The following CABLES1 variants were observed in gnomAD, a reference collection of about 807,000 sequenced individuals.
CABLES1 encodes CDK5 and ABL1 enzyme substrate 1.
A neutral mutation model predicts 57.8 loss-of-function variants in CABLES1; 36 were observed. That is an observed-to-expected ratio of 0.62 (90% CI 0.48 to 0.82). The LOEUF (loss-of-function observed/expected upper bound fraction) is 0.82, where lower values mean the gene tolerates loss of function less well. Among genes scored for constraint, CABLES1 ranks in the 40% least tolerant of loss-of-function variants. The pLI is 0.00. For missense variants in CABLES1, 767 were observed against 836.6 expected (o/e 0.92, Z 1.03); for synonymous variants, 374 against 363.0 (o/e 1.03, Z -0.35).
chr18:23,239,887 GCAGGTGGAT>G (rs1274829504), intron 7 of CABLES1, among the ~76,000 whole-genome samples: 1 of 152,200 alleles, frequency 6.6e-6, no homozygotes, highest in Non-Finnish European at 1.5e-5. Flanking sequence ...GGAGGCCAAG[GCAGGTGGAT>G]CACCTGAGGT....
chr18:23,141,587 G>A (rs1415110495), intron 1 of CABLES1, among the ~76,000 whole-genome samples: 1 of 152,226 alleles, frequency 6.6e-6, no homozygotes, highest in Non-Finnish European at 1.5e-5. Context: ...ATGGGTTTTG[G>A]AGGTCGGAGT....
chr18:23,188,284 C>G (rs2047217088), intron 1 of CABLES1, among the ~76,000 whole-genome samples: 3 of 152,186 alleles, frequency 2.0e-5, no homozygotes, highest in Non-Finnish European at 4.4e-5. Context: ...TCTACCCGGT[C>G]TATGAGAAAC....
At chr18:23,184,818 G>A (rs1472577663) in intron 1 of CABLES1, among the ~76,000 whole-genome samples, 2 of 152,222 alleles carry the variant, frequency 1.3e-5, no homozygotes, top group Non-Finnish European at 2.9e-5. Flanking sequence ...TCCAGTTACA[G>A]ATGACCAACT....
At chr18:23,240,760 G>T (rs1197609740) in intron 7 of CABLES1, among the ~76,000 whole-genome samples, 1 of 152,202 alleles carries the variant, frequency 6.6e-6, no homozygotes, top group South Asian at 2.1e-4. Flanking sequence ...CAGCAGAGGC[G>T]CCCACCTGAA....
At position 23,259,989 on chromosome 18, in the gene CABLES1, CG is replaced by C. The variant is rs1399508671; in HGVS notation, c.*2624del. The stretch of plus-strand genomic sequence containing the variant: ...CGGTTCTGCCTGATTCCTTTTCCCC[CG>C]GAGCCAGCCTAGGGGGCCCGGGACT... On this transcript the variant is annotated 3_prime_UTR_variant, in exon 10 of 10. Transcript: ENST00000256925. 7 of 150,144 alleles carry C rather than the reference CG, an allele frequency of 4.7e-5. No individual in the cohort carries two copies. The highest frequency in any genetic ancestry group is 1.3e-4 in the Admixed American group (2 of 14,976). 9.3% of individuals were successfully genotyped at this position (150,144 alleles called of 1,614,324 possible).
At chr18:23,222,748 G>A (rs1483900595) in intron 4 of CABLES1, among the ~76,000 whole-genome samples, 1 of 151,544 alleles carries the variant, frequency 6.6e-6, no homozygotes, top group Non-Finnish European at 1.5e-5. Context: ...ATAAAAGGAT[G>A]GAGTTGGATG....
intron 7 of CABLES1, among the ~76,000 whole-genome samples, chr18:23,250,909 C>G (rs1471690137): frequency 6.6e-6 from 1 of 152,230 alleles, no homozygotes; most frequent in African/African-American, 2.4e-5. Flanking sequence ...AGAGGACCAT[C>G]AAGATCACTT....
chr18:23,183,795 T>A (rs1193732949), intron 1 of CABLES1, among the ~76,000 whole-genome samples: 1 of 152,228 alleles, frequency 6.6e-6, no homozygotes, highest in Admixed American at 6.5e-5. Flanking sequence ...TTGTTAAGTC[T>A]ATAATGATAA....
chr18:23,151,401 T>C (rs2046929783), intron 1 of CABLES1, among the ~76,000 whole-genome samples: 1 of 152,194 alleles, frequency 6.6e-6, no homozygotes, highest in South Asian at 2.1e-4. Flanking sequence ...GGCAGCCTCT[T>C]GCCTTTAGGC....
intron 7 of CABLES1, 97 bp from the exon 8 acceptor site, chr18:23,252,863 A>G (rs1005719690): frequency 7.9e-6 from 6 of 758,776 alleles, no homozygotes; most frequent in Non-Finnish European, 1.4e-5. Context: ...CCCGTTGCTC[A>G]TGGCTTTGGG....
intron 1 of CABLES1, among the ~76,000 whole-genome samples, chr18:23,152,034 C>T (rs2046934445): frequency 1.3e-5 from 2 of 152,106 alleles, no homozygotes; most frequent in Non-Finnish European, 2.9e-5. Context: ...GGGTTTCAGG[C>T]CTATGGACTG....
chr18:23,188,121 T>G (rs1171541578), intron 1 of CABLES1, among the ~76,000 whole-genome samples: 1 of 152,214 alleles, frequency 6.6e-6, no homozygotes, highest in Non-Finnish European at 1.5e-5. Flanking sequence ...CCCTGCTCCC[T>G]GTACCTGATA....
Position 23,174,043 on chromosome 18 carries a change from T to C in CABLES1, c.846-14795T>C, listed in dbSNP as rs934375953. 2.0e-5 allele frequency among the ~76,000 whole-genome samples: 3 copies of C among 152,236 alleles called. No homozygotes were observed. In the South Asian group the frequency reaches 6.2e-4, roughly 31 times the overall value. On this transcript the variant is annotated intron_variant, in intron 1 of 9. Coordinates refer to ENST00000256925, the MANE Select transcript of CABLES1 (RefSeq NM_001100619.3). Reference sequence around the variant, plus strand: ...AGCTTGTGCAGTTGTCACCACTATCTAATTTTAGAACATTTTCCTCACCCT... The same window carrying C: ...AGCTTGTGCAGTTGTCACCACTATCCAATTTTAGAACATTTTCCTCACCCT...
At chr18:23,241,307 G>GA (rs1336178860) in intron 7 of CABLES1, among the ~76,000 whole-genome samples, 4 of 151,992 alleles carry the variant, frequency 2.6e-5, no homozygotes, top group African/African-American at 9.7e-5. Context: ...AAGGTGGGGG[G>GA]ATCACTTGAG....
At chr18:23,163,803 T>C (rs1178409154) in intron 1 of CABLES1, among the ~76,000 whole-genome samples, 2 of 152,184 alleles carry the variant, frequency 1.3e-5, no homozygotes, top group African/African-American at 2.4e-5. Flanking sequence ...GCTGGAACCT[T>C]CCTTCCCCGC....
Position 23,257,348 on chromosome 18 carries a change from G to GGCTGGTCCAGAGTTCCTAGC in CABLES1, c.1884_*1dup, listed in dbSNP as rs2048193771. 1.2e-6 allele frequency: 2 copies of GGCTGGTCCAGAGTTCCTAGC among 1,610,100 alleles called. No homozygotes were observed. The highest frequency in any genetic ancestry group is 2.7e-5 in the African/African-American group (2 of 74,526). ...CACGAAGTCATGCCCCACTACAGAC[G>GGCTGGTCCAGAGTTCCTAGC]GCTGGTCCAGAGTTCCTAGCACTGG... On this transcript the variant is annotated stop_gained and frameshift_variant, in exon 10 of 10. Transcript: ENST00000256925. LOFTEE classifies it high-confidence loss of function.
chr18:23,136,665 C>T (rs1242322969), intron 1 of CABLES1, 58 bp downstream of exon 1: 2 of 1,146,234 alleles, frequency 1.7e-6, no homozygotes, highest in East Asian at 5.8e-5. Flanking sequence ...CGCTCCCAGC[C>T]TCCCCGCGGT....
intron 2 of CABLES1, among the ~76,000 whole-genome samples, chr18:23,193,112 A>G (rs958955434): frequency 4.6e-5 from 7 of 151,340 alleles, no homozygotes; most frequent in African/African-American, 1.5e-4. Context: ...TCCCAACCCC[A>G]CTCTAACCCC....
chr18:23,252,105 C>T (rs2048052641), intron 7 of CABLES1, among the ~76,000 whole-genome samples: 1 of 151,568 alleles, frequency 6.6e-6, no homozygotes, highest in Admixed American at 6.6e-5. Flanking sequence ...AAAAAAGACT[C>T]CATGCTAAAT....
Sources: gnomAD v4.1 joint callset for allele counts (sites outside exome capture counted in the v4.1 genomes callset) on GRCh38, gnomAD v4.1.1 for gene constraint, MANE v1.5 for transcripts, NCBI Gene and HGNC (gene_info 2026-07-23, HGNC 2026-07-21) for gene names.